The following GALNT17 variants were observed in gnomAD, a reference collection of about 807,000 sequenced individuals.
The protein encoded by GALNT17 is UDP-GalNAc:polypeptide N-acetylgalactosaminyltransferase-like 3.
Under a neutral mutation model 63.7 loss-of-function variants are expected in GALNT17, and 29 were observed. The observed-to-expected ratio is 0.46, with a 90% CI of 0.34 to 0.62. The LOEUF (loss-of-function observed/expected upper bound fraction) is 0.62. GALNT17 is among the 20% of genes least tolerant of loss of function. The pLI, the probability that GALNT17 is intolerant of heterozygous loss-of-function variation, is 0.01. For synonymous variants in GALNT17, 305 were observed against 318.3 expected, an observed-to-expected ratio of 0.96 and a Z score of 0.45; for missense variants, 603 against 799.6, an observed-to-expected ratio of 0.75 and a Z score of 2.97.
chr7:71,297,447 G>C (rs1791102473), intron 1 of GALNT17, among the ~76,000 whole-genome samples: 1 of 152,170 alleles, frequency 6.6e-6, no homozygotes. Context: ...AGGAGGCTGA[G>C]GTAGGAGAAT....
chr7:71,685,948 A>ATTTTTTTT (rs3062958), intron 9 of GALNT17, among the ~76,000 whole-genome samples: 22 of 59,810 alleles, frequency 3.7e-4, no homozygotes, highest in African/African-American at 1.3e-3. Context: ...GGCAATTACT[A>ATTTTTTTT]TTTTTTTTTT....
chr7:71,513,331 C>T (rs1450324832), intron 5 of GALNT17, among the ~76,000 whole-genome samples: 1 of 152,046 alleles, frequency 6.6e-6, no homozygotes, highest in Non-Finnish European at 1.5e-5. Flanking sequence ...CCAGCTTGAA[C>T]GATTATCAAC....
intron 9 of GALNT17, among the ~76,000 whole-genome samples, chr7:71,699,045 G>A (rs1748842819): frequency 6.6e-6 from 1 of 151,786 alleles, no homozygotes; most frequent in Non-Finnish European, 1.5e-5. Flanking sequence ...GGCAGCGTGT[G>A]CCTGTAATCC....
intron 2 of GALNT17, among the ~76,000 whole-genome samples, chr7:71,363,742 G>A (rs2116241529): frequency 6.6e-6 from 1 of 152,348 alleles, no homozygotes; most frequent in African/African-American, 2.4e-5. Context: ...CCGCGTGGTG[G>A]ATAAAGATTT....
intron 1 of GALNT17, among the ~76,000 whole-genome samples, chr7:71,153,330 G>A (rs1788167540): frequency 6.6e-6 from 1 of 152,210 alleles, no homozygotes; most frequent in African/African-American, 2.4e-5. Context: ...GAATGTTGAT[G>A]AATGATGTTA....
chr7:71,141,548 G>A (rs1315618980), intron 1 of GALNT17, among the ~76,000 whole-genome samples: 1 of 152,052 alleles, frequency 6.6e-6, no homozygotes, highest in Non-Finnish European at 1.5e-5. Context: ...CCAACACACG[G>A]CAGTTGTAAG....
At chr7:71,255,635 CA>C (rs1468281994) in intron 1 of GALNT17, among the ~76,000 whole-genome samples, 1 of 152,168 alleles carries the variant, frequency 6.6e-6, no homozygotes, top group African/African-American at 2.4e-5. Context: ...CTTGTGAGTT[CA>C]GGGGAGAAGG....
At chr7:71,286,044 C>T (rs1790866806) in intron 1 of GALNT17, among the ~76,000 whole-genome samples, 1 of 152,214 alleles carries the variant, frequency 6.6e-6, no homozygotes, top group Non-Finnish European at 1.5e-5. Flanking sequence ...TAACTGTGTG[C>T]TCCCCCAGCC....
In GALNT17 at chr7:71,701,444, G is replaced by A. The variant is rs147074588; in HGVS notation, c.1501-9317G>A. 5.7e-3 allele frequency among the ~76,000 whole-genome samples: 872 copies of A among 151,740 alleles called. 7 individuals carry two copies. The highest frequency in any genetic ancestry group is 0.019 in the African/African-American group (765 of 41,340). ...GGAGGTTGCAGTGAGCCAAGATCAC[G>A]CCATTGTACTCCAGCCTGGATAACA... On this transcript the variant is annotated intron_variant, in intron 9 of 10. Coordinates refer to ENST00000333538, the MANE Select transcript of GALNT17 (RefSeq NM_022479.3).
At chr7:71,503,782 A>C (rs980951592) in intron 5 of GALNT17, among the ~76,000 whole-genome samples, 2 of 152,178 alleles carry the variant, frequency 1.3e-5, no homozygotes, top group African/African-American at 2.4e-5. Flanking sequence ...TACTTAGAAC[A>C]GATAGTCAAA....
intron 1 of GALNT17, among the ~76,000 whole-genome samples, chr7:71,154,946 G>A (rs1189596726): frequency 1.3e-5 from 2 of 151,848 alleles, no homozygotes; most frequent in East Asian, 3.9e-4. Flanking sequence ...ATATATAAAA[G>A]TGGGTAATGA....
At position 71,257,678 on chromosome 7, in the gene GALNT17, GC is replaced by G. The variant is rs541505783; in HGVS notation, c.239-77867del. ...GGTCTCTTCAGGGTCCCTAGGAAATGCCCCCAGTCCCTTCCAGGCCACTGTG... is the reference window on the plus strand; with the variant it reads ...GGTCTCTTCAGGGTCCCTAGGAAATGCCCCAGTCCCTTCCAGGCCACTGTG... On this transcript the variant is annotated intron_variant, in intron 1 of 10. Transcript: ENST00000333538. Among the ~76,000 whole-genome samples the G allele has an allele frequency of 1.1e-4, 17 of 152,288 alleles. No homozygotes were observed. The East Asian group carries it at 3.1e-3, about 28-fold the overall frequency.
chr7:71,254,986 T>C (rs1790263668), intron 1 of GALNT17, among the ~76,000 whole-genome samples: 1 of 152,226 alleles, frequency 6.6e-6, no homozygotes, highest in Non-Finnish European at 1.5e-5. Context: ...ATTTCATTCA[T>C]TGCCAGCATC....
chr7:71,333,512 T>G (rs558056374), intron 1 of GALNT17, among the ~76,000 whole-genome samples: 1 of 152,310 alleles, frequency 6.6e-6, no homozygotes, highest in East Asian at 1.9e-4. Context: ...GGAGTGGAAT[T>G]GCTGGGTCAT....
intron 5 of GALNT17, among the ~76,000 whole-genome samples, chr7:71,432,195 G>T (rs1417895334): frequency 6.6e-6 from 1 of 152,054 alleles, no homozygotes; most frequent in Non-Finnish European, 1.5e-5. Context: ...AATCTGCAGA[G>T]ATGCATGAAG....
intron 1 of GALNT17, among the ~76,000 whole-genome samples, chr7:71,191,429 T>G (rs943774032): frequency 1.3e-5 from 2 of 152,166 alleles, no homozygotes; most frequent in African/African-American, 2.4e-5. Flanking sequence ...ATGGTAGACT[T>G]GCCAGGCACC....
At chr7:71,648,156 A>G (rs1237658741) in intron 6 of GALNT17, among the ~76,000 whole-genome samples, 1 of 152,242 alleles carries the variant, frequency 6.6e-6, no homozygotes, top group East Asian at 1.9e-4. Context: ...CTTGGCTAGT[A>G]AATAATAACT....
In GALNT17 at chr7:71,466,639, G is replaced by C. The variant is rs527636166; in HGVS notation, c.962+45534G>C. Among the ~76,000 whole-genome samples the C allele has an allele frequency of 2.6e-5, 4 of 152,230 alleles. No individual in the cohort carries two copies. In the South Asian group the frequency reaches 8.3e-4, roughly 32 times the overall value. ...GAGATATTTACCATCTATTCTCTCT[G>C]ATGCCTGCTACCTGGAGGCTTCATC... On this transcript the variant is annotated intron_variant, in intron 5 of 10. Coordinates refer to ENST00000333538, the MANE Select transcript of GALNT17 (RefSeq NM_022479.3).
intron 1 of GALNT17, among the ~76,000 whole-genome samples, chr7:71,168,205 C>T (rs1446773988): frequency 6.6e-6 from 1 of 152,118 alleles, no homozygotes; most frequent in Non-Finnish European, 1.5e-5. Context: ...GCAGTGATAC[C>T]ACACTGCCTT....
Sources: allele counts gnomAD v4.1 joint callset (sites outside exome capture counted in the v4.1 genomes callset), GRCh38; gene constraint gnomAD v4.1.1; transcripts MANE v1.5; gene names NCBI Gene and HGNC (gene_info 2026-07-23, HGNC 2026-07-21).